Variants in ADGRL1 observed in about 807,000 individuals in gnomAD.
ADGRL1 encodes the protein CIRL-1.
In ADGRL1, 31 loss-of-function variants were observed where a neutral mutation model predicts 148.9. That is an observed-to-expected ratio of 0.21 (90% confidence interval 0.16 to 0.28). ADGRL1 has a LOEUF of 0.28. Among genes scored for constraint, ADGRL1 ranks in the 10% least tolerant of loss-of-function variants. The pLI is 1.00. For synonymous variants in ADGRL1, 937 were observed against 900.3 expected (o/e 1.04, Z -0.73); for missense variants, 1,521 against 2,058.8 (o/e 0.74, Z 5.05).
intron 1 of ADGRL1, among the ~76,000 whole-genome samples, chr19:14,185,661 T>A (rs1317980004): frequency 6.6e-6 from 1 of 152,160 alleles, no homozygotes; most frequent in Non-Finnish European, 1.5e-5. Flanking sequence ...CCAGCTGTCA[T>A]CCCAGCCTGT....
chr19:14,177,482 G>C (rs770999588), intron 3 of ADGRL1, 49 bp downstream of exon 3: 1 of 1,550,438 alleles, frequency 6.4e-7, no homozygotes, highest in Non-Finnish European at 8.9e-7. Flanking sequence ...GGTGTGCAGT[G>C]CTTTTAGGCG....
intron 1 of ADGRL1, among the ~76,000 whole-genome samples, chr19:14,197,223 G>T (rs954218629): frequency 1.3e-5 from 2 of 152,058 alleles, no homozygotes; most frequent in African/African-American, 4.8e-5. Context: ...AGTGAGCTAT[G>T]ATCATGCCAC....
At chr19:14,153,257 C>T (rs542646279) in intron 18 of ADGRL1, among the ~76,000 whole-genome samples, 2 of 152,232 alleles carry the variant, frequency 1.3e-5, no homozygotes, top group East Asian at 3.9e-4. Flanking sequence ...ACAACAGACA[C>T]AAATCCCTAC....
At chr19:14,197,215 T>A (rs1029855884) in intron 1 of ADGRL1, among the ~76,000 whole-genome samples, 3 of 152,026 alleles carry the variant, frequency 2.0e-5, no homozygotes, top group Non-Finnish European at 2.9e-5. Context: ...AAGGCTGCAG[T>A]GAGCTATGAT....
chr19:14,184,057 T>G (rs1462454323), intron 1 of ADGRL1, among the ~76,000 whole-genome samples: 2 of 152,268 alleles, frequency 1.3e-5, no homozygotes, highest in South Asian at 4.1e-4. Flanking sequence ...ATCCTCACCA[T>G]GAGCAAGGAG....
rs1480560460 is a variant in ADGRL1, at chr19:14,161,104, T to A, written c.1510+208A>T. Among the ~76,000 whole-genome samples, 1 of 152,046 alleles carries A rather than the reference T, an allele frequency of 6.6e-6. No homozygotes were observed. The highest frequency in any genetic ancestry group is 1.9e-4 in the East Asian group (1 of 5,154). On this transcript the variant is annotated intron_variant, in intron 6 of 22. Coordinates refer to ENST00000361434, the MANE Select transcript of ADGRL1 (RefSeq NM_014921.5). This position sits in a 1 kb window ranked among gnomAD's most constrained non-coding sequence, Gnocchi z 4.4. ...GCCTGAGGCCGGGAGCCAGGTCACC[T>A]CCTGCGGACTCCCTGCAGGTTCTGC... is the stretch of plus-strand genomic sequence containing the variant.
At chr19:14,181,364 AG>A (rs1423315567) in intron 2 of ADGRL1, among the ~76,000 whole-genome samples, 1 of 152,202 alleles carries the variant, frequency 6.6e-6, no homozygotes, top group African/African-American at 2.4e-5. Context: ...TCAAAATCCC[AG>A]GGGTGAGGCC....
chr19:14,173,236 C>A (rs1254256154), intron 3 of ADGRL1, among the ~76,000 whole-genome samples: 6 of 152,142 alleles, frequency 3.9e-5, no homozygotes, highest in Admixed American at 3.9e-4. Flanking sequence ...GCTGGGATTA[C>A]AATCATGAGC....
chr19:14,160,487 C>A lies in ADGRL1; in HGVS notation c.1614+106G>T. ...GGAGGTGACCCCACAGTCCTGCCTT[C>A]CAGACCTGCCAGCCCATGTCTCCCC... On this transcript the variant is annotated intron_variant, in intron 7 of 22. Transcript: ENST00000361434. This position sits in a 1 kb window ranked among gnomAD's most constrained non-coding sequence, Gnocchi z 5.9. 1 of 979,292 alleles carries A rather than the reference C, an allele frequency of 1.0e-6. No homozygotes were observed. Among genetic ancestry groups the A allele is most frequent in the East Asian group, 2.6e-5 (1 of 38,410 alleles). 60.7% of individuals were successfully genotyped at this position (979,292 alleles called of 1,614,324 possible).
In ADGRL1 at chr19:14,158,040, A is replaced by C. The variant is rs778041254; in HGVS notation, c.2377T>G (p.Phe793Val). 1 of 1,614,140 alleles carries C rather than the reference A, an allele frequency of 6.2e-7. No individual in the cohort carries two copies. The highest frequency in any genetic ancestry group is 1.1e-5 in the South Asian group (1 of 91,084). Residue 793 changes from phenylalanine (F) to valine (V), a missense_variant, in exon 13 of 23, where the codon TTC becomes GTC. This residue lies in a region of ADGRL1 where 265 missense variants were observed against 431.9 expected (regional missense o/e 0.61). Transcript: ENST00000361434. Reference sequence around the variant, plus strand: ...TTCCAGAAGGAGCAGTTAGCATTGAAGTGGTTCTTGTCCTGTTGTGTGGTG... The same window carrying C: ...TTCCAGAAGGAGCAGTTAGCATTGACGTGGTTCTTGTCCTGTTGTGTGGTG... Reference protein sequence around the residue: ...TVAHLEDKNHFNANCSFWNYS... With the variant: ...TVAHLEDKNHVNANCSFWNYS...
rs1395117313 is a variant in ADGRL1 at position 14,150,712 on chromosome 19, G to A, written c.*161C>T. On this transcript the variant is annotated 3_prime_UTR_variant, in exon 23 of 23. Transcript: ENST00000361434. The stretch of plus-strand genomic sequence containing the variant: ...TGAACCCTGGCACCTCAGGCCCCCA[G>A]GTTAGAGTCCCCTGAGGGGACTGTA... The A allele has an allele frequency of 1.1e-5, 9 of 800,586 alleles. No individual in the cohort carries two copies. The highest frequency in any genetic ancestry group is 1.5e-5 in the Non-Finnish European group (8 of 526,348). The allele number at this position is 800,586 out of a possible 1,614,324, so 49.6% of individuals were successfully genotyped here.
Position 14,160,667 on chromosome 19 carries a change from A to G in ADGRL1, c.1540T>C (p.Leu514=), listed in dbSNP as rs767910254. 2.5e-6 allele frequency: 4 copies of G among 1,612,858 alleles called. No individual in the cohort carries two copies. In the South Asian group the frequency reaches 3.3e-5, roughly 13 times the overall value. Residue 514 remains leucine (L), a synonymous_variant, in exon 7 of 23, where the codon TTG becomes CTG. Coordinates refer to ENST00000361434, the MANE Select transcript of ADGRL1 (RefSeq NM_014921.5). The surrounding 1 kb of genome is among the most constrained non-coding windows in gnomAD (Gnocchi z 5.9). The part of the protein sequence containing the change: ...GIASFQCLPA[L]GLWNPRGPDL... ...GGGCCCCGGGGGTTCCAGAGCCCCA[A>G]GGCTGGTAGACACTGGAAGGAGGCA... is the stretch of plus-strand genomic sequence containing the variant.
chr19:14,188,774 CCTT>C (rs1971743236), intron 1 of ADGRL1, among the ~76,000 whole-genome samples: 1 of 152,198 alleles, frequency 6.6e-6, no homozygotes, highest in Non-Finnish European at 1.5e-5. Flanking sequence ...GGCACCACCT[CCTT>C]TTTTTTCTTT....
intron 1 of ADGRL1, among the ~76,000 whole-genome samples, chr19:14,198,937 C>A (rs1376196440): frequency 1.3e-5 from 2 of 152,176 alleles, no homozygotes; most frequent in Non-Finnish European, 2.9e-5. Context: ...CCAGCCCCAA[C>A]CTTTGCACTC....
rs556192233 is a variant in ADGRL1 at position 14,163,489 on chromosome 19, A to G, written c.395-83T>C. On this transcript the variant is annotated intron_variant, in intron 4 of 22. Coordinates refer to ENST00000361434, the MANE Select transcript of ADGRL1 (RefSeq NM_014921.5). ...AGGAGAGAGAGAGAGAGAGAGAGAG[A>G]GAGAGAGAGGGGGGAGAGAGGCAAG... The G allele has an allele frequency of 4.1e-5, 43 of 1,055,310 alleles. No individual in the cohort carries two copies. In the Admixed American group the frequency reaches 1.1e-3, roughly 27 times the overall value. The allele number at this position is 1,055,310 out of a possible 1,614,324, so 65.4% of individuals were successfully genotyped here. A position where few individuals can be genotyped will look rare whatever the true frequency, so the allele number is the denominator to read the frequency against.
At position 14,158,353 on chromosome 19, in the gene ADGRL1, G is replaced by A. The variant is rs369216081; in HGVS notation, c.2349C>T (p.Thr783=). 24 of 1,613,514 alleles carry A rather than the reference G, an allele frequency of 1.5e-5. No homozygotes were observed. Among genetic ancestry groups the A allele is most frequent in the African/African-American group, 4.0e-5 (3 of 74,918 alleles). The change falls in exon 12 of 23, where the codon ACC becomes ACT. Residue 783 remains threonine, a synonymous_variant. Coordinates refer to ENST00000361434, the MANE Select transcript of ADGRL1 (RefSeq NM_014921.5). ...RVFLMDPVIF[T]VAHLEDKNHF... is the part of the protein sequence containing the mutation. ...CTCAGCTCACCTCCAGGTGGGCCAC[G>A]GTGAAGATGACAGGGTCCATGAGGA...
chr19:14,203,624 T>C (rs911466549), intron 1 of ADGRL1, among the ~76,000 whole-genome samples: 1 of 133,568 alleles, frequency 7.5e-6, no homozygotes, highest in African/African-American at 2.8e-5. Context: ...GCCCACAGGG[T>C]CCTCCAAGGC....
At position 14,150,806 on chromosome 19, in the gene ADGRL1, C is replaced by A; in HGVS notation, c.*67G>T. 1 of 1,552,074 alleles carries A rather than the reference C, an allele frequency of 6.4e-7. No individual in the cohort carries two copies. Among genetic ancestry groups the A allele is most frequent in the Non-Finnish European group, 8.7e-7 (1 of 1,150,412 alleles). On this transcript the variant is annotated 3_prime_UTR_variant, in exon 23 of 23. Transcript: ENST00000361434. ...CACTGCCTCCATCTGTCTCCCTCTC[C>A]CACCAGAGCCCTGCCCAGGGTTCCC... is the stretch of plus-strand genomic sequence containing the variant.
chr19:14,205,490 C>T (rs1027915992), intron 1 of ADGRL1, among the ~76,000 whole-genome samples: 4 of 151,942 alleles, frequency 2.6e-5, no homozygotes, highest in Non-Finnish European at 4.4e-5. Flanking sequence ...GTGGTGCCAG[C>T]CCCCGACACG....
Sources: gnomAD v4.1 joint callset for allele counts (sites outside exome capture counted in the v4.1 genomes callset) on GRCh38, gnomAD v4.1.1 for gene constraint, gnomAD v4.1.1 regional missense constraint, Gnocchi (gnomAD v3.1) non-coding constraint, MANE v1.5 for transcripts, NCBI Gene and HGNC (gene_info 2026-07-23, HGNC 2026-07-21) for gene names.